The following TANC1 variants were observed in gnomAD, a reference collection of about 807,000 sequenced individuals.
The protein encoded by TANC1 is protein TANC1.
TANC1 carries 77 observed loss-of-function variants against 149.7 expected under a neutral mutation model. The observed-to-expected ratio is 0.51, with a 90% CI of 0.43 to 0.62. TANC1 has a LOEUF of 0.62. TANC1 is among the 20% of genes least tolerant of loss of function. TANC1 has a pLI of 0.00. For synonymous variants in TANC1, 854 were observed against 925.0 expected, an observed-to-expected ratio of 0.92 and a Z score of 1.39; for missense variants, 1,985 against 2,321.8, an observed-to-expected ratio of 0.85 and a Z score of 2.98.
chr2:159,150,268 G>A (rs947992246), intron 6 of TANC1, 102 bp from the exon 7 acceptor site: 12 of 920,178 alleles, frequency 1.3e-5, no homozygotes, highest in Admixed American at 5.6e-5. Context: ...TAAAACTTCC[G>A]TTTTCCTGTT....
chr2:159,207,243 A>G (rs896615183), intron 19 of TANC1, among the ~76,000 whole-genome samples: 4 of 152,250 alleles, frequency 2.6e-5, no homozygotes, highest in African/African-American at 7.2e-5. Flanking sequence ...GGGGAACACA[A>G]TCCTTGTAAA....
At chr2:158,992,529 G>C (rs914831979) in intron 1 of TANC1, among the ~76,000 whole-genome samples, 1 of 151,980 alleles carries the variant, frequency 6.6e-6, no homozygotes, top group African/African-American at 2.4e-5. Context: ...TTGAGACGGA[G>C]TCTTGCCCTG....
Position 159,178,664 on chromosome 2 carries a change from AGC to A in TANC1, c.2012_2013del (p.Ser671ThrfsTer51). 6.2e-7 allele frequency: 1 copy of A among 1,614,198 alleles called. No individual in the cohort carries two copies. Among genetic ancestry groups the A allele is most frequent in the South Asian group, 1.1e-5 (1 of 91,084 alleles). On this transcript the variant is annotated frameshift_variant, in exon 14 of 27. Transcript: ENST00000263635. LOFTEE classifies it high-confidence loss of function. ...CTACGTCCAGCACAGGGTGCACAGC[AGC>A]CAGGACATCCTCAGCAACATCTCCC... Reference protein sequence around the residue: ...HAYVQHRVHSSQDILSNISLN... With the variant: ...HAYVQHRVHSXQDILSNISLN...
intron 1 of TANC1, among the ~76,000 whole-genome samples, chr2:158,983,768 A>G (rs929503575): frequency 2.6e-5 from 4 of 152,178 alleles, no homozygotes; most frequent in Admixed American, 6.5e-5. Flanking sequence ...TTTCTAGAGA[A>G]GAGGATGGTC....
intron 3 of TANC1, among the ~76,000 whole-genome samples, chr2:159,070,433 A>G (rs2043050738): frequency 1.3e-5 from 2 of 152,198 alleles, no homozygotes; most frequent in African/African-American, 2.4e-5. Flanking sequence ...CCCAAAGTCC[A>G]TAGGTTACAT....
chr2:159,014,130 A>G (rs1323961506), intron 2 of TANC1, among the ~76,000 whole-genome samples: 1 of 152,186 alleles, frequency 6.6e-6, no homozygotes, highest in African/African-American at 2.4e-5. Flanking sequence ...AAAACTTTGT[A>G]TTAGTCCATT....
chr2:158,971,259 T>A (rs2032836986), intron 1 of TANC1, among the ~76,000 whole-genome samples: 1 of 152,206 alleles, frequency 6.6e-6, no homozygotes, highest in Non-Finnish European at 1.5e-5. Context: ...ATAATCCATA[T>A]TATAATGACT....
At position 159,173,737 on chromosome 2, in the gene TANC1, A is replaced by T. The variant is rs1275282439; in HGVS notation, c.1504-1216A>T. ...GTTTGCACAAGCTTACAGGATCCTC[A>T]CATGTATCCCTGCTAATTTCTGTCC... On this transcript the variant is annotated intron_variant, in intron 11 of 26. Coordinates refer to ENST00000263635, the MANE Select transcript of TANC1 (RefSeq NM_033394.3). 2.6e-5 allele frequency among the ~76,000 whole-genome samples: 4 copies of T among 152,326 alleles called. No individual in the cohort carries two copies. In the South Asian group the frequency reaches 6.2e-4, roughly 24 times the overall value.
At chr2:159,054,050 G>C (rs146907014) in intron 2 of TANC1, among the ~76,000 whole-genome samples, 1,849 of 152,310 alleles carry the variant, frequency 0.012, 18 homozygotes, top group Non-Finnish European at 0.018. Flanking sequence ...TGTGTGAGCC[G>C]TGTGTATGTT....
At chr2:159,038,013 T>G (rs986911303) in intron 2 of TANC1, among the ~76,000 whole-genome samples, 1 of 152,282 alleles carries the variant, frequency 6.6e-6, no homozygotes, top group Non-Finnish European at 1.5e-5. Context: ...CATTTGTTTG[T>G]GTCCTCTTTT....
intron 2 of TANC1, among the ~76,000 whole-genome samples, chr2:159,039,259 G>T (rs187319539): frequency 6.6e-6 from 1 of 151,808 alleles, no homozygotes; most frequent in East Asian, 1.9e-4. Context: ...TCTTGCTAGC[G>T]GTCTATCAAT....
At position 158,991,219 on chromosome 2, in the gene TANC1, G is replaced by C. The variant is rs889391538; in HGVS notation, c.-125-9861G>C. On this transcript the variant is annotated intron_variant, in intron 1 of 26. Transcript: ENST00000263635. ...TGTAAATTTCCTGTTTTGATAGGAA[G>C]ATGTAGAATTTGCTAGGAAAGAAAA... Among the ~76,000 whole-genome samples the C allele has an allele frequency of 3.3e-5, 5 of 151,546 alleles. No homozygotes were observed. The East Asian group carries it at 9.6e-4, about 29-fold the overall frequency.
intron 7 of TANC1, among the ~76,000 whole-genome samples, chr2:159,159,715 T>TGA (rs1221978334): frequency 1.6e-3 from 100 of 63,182 alleles, no homozygotes; most frequent in East Asian, 1.9e-3. Flanking sequence ...TGTGTGTGTG[T>TGA]GTGAGAGAGA....
At chr2:158,994,146 G>A (rs1453486782) in intron 1 of TANC1, among the ~76,000 whole-genome samples, 2 of 152,030 alleles carry the variant, frequency 1.3e-5, no homozygotes, top group African/African-American at 2.4e-5. Context: ...TTATTTCCTG[G>A]TTTCTGAATC....
chr2:159,203,754 G>A (rs1406407641), intron 19 of TANC1, among the ~76,000 whole-genome samples: 2 of 151,924 alleles, frequency 1.3e-5, no homozygotes, highest in Admixed American at 1.3e-4. Flanking sequence ...TTTTTGTAGA[G>A]ATGCAAAACA....
intron 3 of TANC1, among the ~76,000 whole-genome samples, chr2:159,096,622 G>A (rs1196427856): frequency 1.3e-5 from 2 of 152,232 alleles, no homozygotes; most frequent in African/African-American, 2.4e-5. Context: ...ATTGGCTAGG[G>A]TTGGACCACA....
At position 159,123,112 on chromosome 2, in the gene TANC1, A is replaced by G. The variant is rs538898272; in HGVS notation, c.260-13082A>G. Among the ~76,000 whole-genome samples, 9 of 152,202 alleles carry G rather than the reference A, an allele frequency of 5.9e-5. No individual in the cohort carries two copies. The South Asian group carries it at 1.9e-3, about 32-fold the overall frequency. On this transcript the variant is annotated intron_variant, in intron 4 of 26. Coordinates refer to ENST00000263635, the MANE Select transcript of TANC1 (RefSeq NM_033394.3). ...TCTCTGTTCCCTGTTCTTGCCCTTGATCTCTGCACCCTGATCTTGGCCCAT... is the reference window on the plus strand; with the variant it reads ...TCTCTGTTCCCTGTTCTTGCCCTTGGTCTCTGCACCCTGATCTTGGCCCAT...
intron 4 of TANC1, among the ~76,000 whole-genome samples, chr2:159,122,465 A>T (rs1009072129): frequency 1.2e-4 from 19 of 152,188 alleles, no homozygotes; most frequent in African/African-American, 4.1e-4. Context: ...TAAAATTAAC[A>T]TAGAGCAAAA....
chr2:158,991,870 G>A (rs1236538647), intron 1 of TANC1, among the ~76,000 whole-genome samples: 1 of 152,162 alleles, frequency 6.6e-6, no homozygotes, highest in African/African-American at 2.4e-5. Context: ...ATAGTATTAT[G>A]CATAATGCTA....
Sources: gnomAD v4.1 joint callset for allele counts (sites outside exome capture counted in the v4.1 genomes callset) on GRCh38, gnomAD v4.1.1 for gene constraint, MANE v1.5 for transcripts, NCBI Gene and HGNC (gene_info 2026-07-23, HGNC 2026-07-21) for gene names.